NRXN2: variants seen among roughly 807,000 people sequenced by gnomAD.
NRXN2 encodes the protein neurexin-2-beta.
NRXN2 carries 29 observed loss-of-function variants against 128.8 expected under a neutral mutation model. That is an observed-to-expected ratio of 0.23 (90% CI 0.17 to 0.31). The LOEUF (loss-of-function observed/expected upper bound fraction) is 0.31, where lower values mean the gene tolerates loss of function less well. Among genes scored for constraint, NRXN2 ranks in the 10% least tolerant of loss-of-function variants. The pLI, the probability that NRXN2 is intolerant of heterozygous loss-of-function variation, is 1.00. For synonymous variants in NRXN2, 1,098 were observed against 1,075.2 expected, an observed-to-expected ratio of 1.02 and a Z score of -0.41; for missense variants, 1,881 against 2,452.6, an observed-to-expected ratio of 0.77 and a Z score of 4.92.
intron 17 of NRXN2, among the ~76,000 whole-genome samples, chr11:64,647,005 A>C (rs746009191): frequency 1.4e-4 from 22 of 152,098 alleles, no homozygotes; most frequent in Non-Finnish European, 2.9e-4. Flanking sequence ...AGAAAAACTA[A>C]CACCACCCAA....
At position 64,648,557 on chromosome 11, in the gene NRXN2, GGCAA is replaced by G. The variant is rs2047036145; in HGVS notation, c.3283+173_3283+176del. Reference sequence around the variant, plus strand: ...GGCCAGGGTGTGAGACAACAGGGAGGGCAAGTGACCCTTCACACACCTGTATCCC... The same window carrying G: ...GGCCAGGGTGTGAGACAACAGGGAGGGTGACCCTTCACACACCTGTATCCC... On this transcript the variant is annotated intron_variant, in intron 16 of 22. Coordinates refer to ENST00000265459, the MANE Select transcript of NRXN2 (RefSeq NM_015080.4). This position sits in a 1 kb window ranked among gnomAD's most constrained non-coding sequence, Gnocchi z 4.1. Among the ~76,000 whole-genome samples the G allele has an allele frequency of 6.6e-6, 1 of 152,174 alleles. No homozygotes were observed. The highest frequency in any genetic ancestry group is 2.1e-4 in the South Asian group (1 of 4,832).
chr11:64,700,896 C>A (rs2135620462), intron 2 of NRXN2, among the ~76,000 whole-genome samples: 1 of 152,298 alleles, frequency 6.6e-6, no homozygotes, highest in Non-Finnish European at 1.5e-5. Flanking sequence ...TCTCCTCACC[C>A]CACCAAATTC....
At chr11:64,687,716 A>AATGAAG (rs2053251216) in intron 5 of NRXN2, among the ~76,000 whole-genome samples, 1 of 152,180 alleles carries the variant, frequency 6.6e-6, no homozygotes, top group African/African-American at 2.4e-5. Flanking sequence ...ACAGACAAGA[A>AATGAAG]ATGAAGACGG....
At chr11:64,688,849 A>G in intron 5 of NRXN2, 1 of 982,174 alleles carries the variant, frequency 1.0e-6, no homozygotes, top group Non-Finnish European at 1.2e-6. Flanking sequence ...CTCCTCTGGG[A>G]AGGTCTCCAG....
At position 64,677,703 on chromosome 11, in the gene NRXN2, A is replaced by G. The variant is rs1592047103; in HGVS notation, c.1153-666T>C. ...GCTGAAATGTTAGAGAGTGGAGGGGAAGGAAGGGAGGGAACAAGGGCTGTG... is the reference window on the plus strand; with the variant it reads ...GCTGAAATGTTAGAGAGTGGAGGGGGAGGAAGGGAGGGAACAAGGGCTGTG... On this transcript the variant is annotated intron_variant, in intron 6 of 22. Coordinates refer to ENST00000265459, the MANE Select transcript of NRXN2 (RefSeq NM_015080.4). Among the ~76,000 whole-genome samples the G allele has an allele frequency of 1.3e-5, 2 of 152,052 alleles. 1 individual carries two copies. Among genetic ancestry groups the G allele is most frequent in the South Asian group, 4.2e-4 (2 of 4,818 alleles).
intron 5 of NRXN2, among the ~76,000 whole-genome samples, chr11:64,686,356 C>T (rs1296115106): frequency 2.6e-5 from 4 of 152,314 alleles, no homozygotes; most frequent in South Asian, 2.1e-4. Context: ...GTGCTCCTCC[C>T]GTATGGCAGG....
intron 8 of NRXN2, among the ~76,000 whole-genome samples, chr11:64,668,213 C>A (rs2050151945): frequency 6.6e-6 from 1 of 152,184 alleles, no homozygotes. Context: ...CCACAGCTGC[C>A]TTTGAGGGTC....
chr11:64,709,752 A>G (rs929597617), intron 2 of NRXN2, among the ~76,000 whole-genome samples: 3 of 152,176 alleles, frequency 2.0e-5, no homozygotes, highest in African/African-American at 7.2e-5. Context: ...CTGGGAATAC[A>G]GAAATGAATA....
At chr11:64,681,551 G>A (rs1170506993) in intron 6 of NRXN2, among the ~76,000 whole-genome samples, 5 of 152,154 alleles carry the variant, frequency 3.3e-5, no homozygotes, top group South Asian at 2.1e-4. Context: ...CAACTAATTC[G>A]TGCCAGGCAC....
chr11:64,657,273 AAGG>A (rs1433360723), intron 11 of NRXN2, among the ~76,000 whole-genome samples: 1 of 152,214 alleles, frequency 6.6e-6, no homozygotes, highest in African/African-American at 2.4e-5. Flanking sequence ...CAGGAGGCTG[AAGG>A]AGGTGACGCC....
chr11:64,674,482 C>G (rs1181281778), intron 7 of NRXN2, among the ~76,000 whole-genome samples: 1 of 152,148 alleles, frequency 6.6e-6, no homozygotes, highest in Non-Finnish European at 1.5e-5. Flanking sequence ...ATGAGCCCAG[C>G]AGGTTGTTTG....
chr11:64,658,923 G>T (rs1213189069), intron 11 of NRXN2, among the ~76,000 whole-genome samples: 1 of 152,218 alleles, frequency 6.6e-6, no homozygotes, highest in African/African-American at 2.4e-5. Context: ...TACTCGGGAG[G>T]CTGAGGCAGA....
chr11:64,626,689 C>A (rs988523538), intron 19 of NRXN2, 137 bp from the exon 20 acceptor site: 4 of 753,072 alleles, frequency 5.3e-6, no homozygotes, highest in South Asian at 2.8e-5. Flanking sequence ...GGAAAAGAAA[C>A]GCTGGGCCCC....
At chr11:64,695,730 GCACA>G (rs140194538) in intron 3 of NRXN2, among the ~76,000 whole-genome samples, 3 of 150,494 alleles carry the variant, frequency 2.0e-5, no homozygotes, top group Non-Finnish European at 4.4e-5. Context: ...ACACACACGC[GCACA>G]CACACACACA....
chr11:64,649,277 A>G (rs533420537), intron 15 of NRXN2, among the ~76,000 whole-genome samples: 1 of 151,956 alleles, frequency 6.6e-6, no homozygotes, highest in Admixed American at 6.5e-5. Context: ...CCTCCCTCCC[A>G]AAGTTTCCCA....
intron 9 of NRXN2, among the ~76,000 whole-genome samples, chr11:64,664,017 G>A (rs1373496216): frequency 6.6e-6 from 1 of 152,246 alleles, no homozygotes; most frequent in Non-Finnish European, 1.5e-5. Context: ...AAAGTAGAAT[G>A]GTGAGTGCCA....
chr11:64,711,418 G>A (rs1165558904), intron 2 of NRXN2, among the ~76,000 whole-genome samples: 1 of 152,148 alleles, frequency 6.6e-6, no homozygotes, highest in East Asian at 1.9e-4. Context: ...GACCGATGGG[G>A]GAGCCCCTCC....
chr11:64,630,726 C>A lies in NRXN2; in HGVS notation c.3586-153G>T, dbSNP rs764568090. Reference sequence around the variant, plus strand: ...CTGGAGGAGGTGGGCAGGCTCGCTCCCCTTCCCCACATGCAAGGGAGTAAC... The same window carrying A: ...CTGGAGGAGGTGGGCAGGCTCGCTCACCTTCCCCACATGCAAGGGAGTAAC... On this transcript the variant is annotated intron_variant, in intron 18 of 22. Coordinates refer to ENST00000265459, the MANE Select transcript of NRXN2 (RefSeq NM_015080.4). The surrounding 1 kb of genome is among the most constrained non-coding windows in gnomAD (Gnocchi z 4.6). 6.6e-6 allele frequency among the ~76,000 whole-genome samples: 1 copy of A among 152,182 alleles called. No individual in the cohort carries two copies. The highest frequency in any genetic ancestry group is 1.5e-5 in the Non-Finnish European group (1 of 68,022).
intron 3 of NRXN2, among the ~76,000 whole-genome samples, chr11:64,694,208 C>T (rs1468794710): frequency 1.3e-5 from 2 of 152,220 alleles, no homozygotes; most frequent in African/African-American, 2.4e-5. Context: ...GCCCCACTCA[C>T]TCCCCTGTGG....
Sources: allele counts gnomAD v4.1 joint callset (sites outside exome capture counted in the v4.1 genomes callset), GRCh38; gene constraint gnomAD v4.1.1; non-coding constraint Gnocchi (gnomAD v3.1); transcripts MANE v1.5; gene names NCBI Gene and HGNC (gene_info 2026-07-23, HGNC 2026-07-21).